WWOX: variants seen among roughly 807,000 people sequenced by gnomAD.
The protein encoded by WWOX is WW domain containing oxidoreductase, also known as WW domain-containing oxidoreductase.
WWOX carries 69 observed loss-of-function variants against 46.2 expected under a neutral mutation model. The ratio of observed to expected loss-of-function variants is 1.49; its 90% confidence interval spans 1.23 to 1.82. The LOEUF is 1.82. Ranked by LOEUF, WWOX falls within the 40% of genes most tolerant of loss-of-function variation. The probability of loss-of-function intolerance (pLI) is 0.00; values close to 1 mark genes in which losing one functional copy is unlikely to be tolerated. For synonymous variants in WWOX, 359 were observed against 202.6 expected, an observed-to-expected ratio of 1.77 and a Z score of -6.56; for missense variants, 919 against 542.6, an observed-to-expected ratio of 1.69 and a Z score of -6.89.
intron 6 of WWOX, among the ~76,000 whole-genome samples, chr16:78,397,387 G>A (rs531448776): frequency 3.9e-5 from 6 of 152,148 alleles, no homozygotes; most frequent in Admixed American, 2.0e-4. Context: ...GACTCTAAGA[G>A]TGGGTTAAAA....
intron 8 of WWOX, among the ~76,000 whole-genome samples, chr16:78,832,473 A>G (rs1224177184): frequency 6.6e-6 from 1 of 152,172 alleles, no homozygotes; most frequent in Non-Finnish European, 1.5e-5. Context: ...TGGCTCCACC[A>G]TTGGAAGGGA....
chr16:78,685,934 G>T (rs1239701230), intron 8 of WWOX, among the ~76,000 whole-genome samples: 1 of 152,020 alleles, frequency 6.6e-6, no homozygotes, highest in Admixed American at 6.6e-5. Flanking sequence ...AGGTGGGTAG[G>T]GAGGGAGGAG....
At chr16:79,114,444 G>A (rs1046762088) in intron 8 of WWOX, among the ~76,000 whole-genome samples, 10 of 151,244 alleles carry the variant, frequency 6.6e-5, no homozygotes, top group African/African-American at 1.2e-4. Flanking sequence ...ATGCACACAC[G>A]TGTGCACACA....
At chr16:78,323,604 A>C (rs2080539662) in intron 5 of WWOX, among the ~76,000 whole-genome samples, 1 of 152,142 alleles carries the variant, frequency 6.6e-6, no homozygotes, top group South Asian at 2.1e-4. Context: ...TAAGTGAATC[A>C]TGCCCACTAT....
At chr16:78,524,961 G>C (rs868812932) in intron 8 of WWOX, among the ~76,000 whole-genome samples, 3 of 149,788 alleles carry the variant, frequency 2.0e-5, no homozygotes, top group African/African-American at 7.4e-5. Flanking sequence ...CACCTCCTGG[G>C]CTCAAGCAAT....
At chr16:78,719,631 AGG>A (rs1353375035) in intron 8 of WWOX, among the ~76,000 whole-genome samples, 2 of 152,242 alleles carry the variant, frequency 1.3e-5, no homozygotes, top group Admixed American at 1.3e-4. Flanking sequence ...TAAGCTAGTC[AGG>A]TAAGTTAGAT....
chr16:79,007,585 T>C (rs993273246), intron 8 of WWOX, among the ~76,000 whole-genome samples: 2 of 152,230 alleles, frequency 1.3e-5, no homozygotes, highest in Non-Finnish European at 2.9e-5. Flanking sequence ...TGCTACTTTA[T>C]ATGGCAAAAG....
chr16:78,733,429 T>C (rs914470518), intron 8 of WWOX, among the ~76,000 whole-genome samples: 1 of 151,970 alleles, frequency 6.6e-6, no homozygotes, highest in Admixed American at 6.6e-5. Flanking sequence ...CACTCCAGCC[T>C]AAGCAACAGA....
At chr16:78,696,359 G>C (rs568926980) in intron 8 of WWOX, among the ~76,000 whole-genome samples, 16 of 152,164 alleles carry the variant, frequency 1.1e-4, no homozygotes, top group Non-Finnish European at 2.1e-4. Flanking sequence ...AGTGACTTCA[G>C]ACTCTATAGA....
intron 5 of WWOX, chr16:78,280,987 A>G (rs1049866774): frequency 1.3e-5 from 2 of 152,524 alleles, no homozygotes; most frequent in African/African-American, 4.8e-5. Flanking sequence ...TGACATTTTC[A>G]GTGATGGAGA....
chr16:79,069,383 A>T (rs1441374048), intron 8 of WWOX, among the ~76,000 whole-genome samples: 1 of 152,202 alleles, frequency 6.6e-6, no homozygotes, highest in Non-Finnish European at 1.5e-5. Context: ...AAACAGCTTT[A>T]TTTCATTGAC....
At chr16:78,257,945 A>G (rs1400125944) in intron 5 of WWOX, among the ~76,000 whole-genome samples, 1 of 151,914 alleles carries the variant, frequency 6.6e-6, no homozygotes, top group Admixed American at 6.6e-5. Context: ...TAAAAAAATC[A>G]GAGACTATAT....
chr16:78,288,832 G>C (rs908173673), intron 5 of WWOX, among the ~76,000 whole-genome samples: 1 of 152,136 alleles, frequency 6.6e-6, no homozygotes, highest in African/African-American at 2.4e-5. Context: ...CATCAGTTAG[G>C]TGGGGGCTGC....
chr16:78,546,913 G>A (rs893964080), intron 8 of WWOX, among the ~76,000 whole-genome samples: 1 of 152,044 alleles, frequency 6.6e-6, no homozygotes, highest in Non-Finnish European at 1.5e-5. Flanking sequence ...GATCACTTGA[G>A]CCCAGGGGTT....
At chr16:78,943,795 T>A (rs1194366790) in intron 8 of WWOX, among the ~76,000 whole-genome samples, 1 of 152,056 alleles carries the variant, frequency 6.6e-6, no homozygotes, top group Non-Finnish European at 1.5e-5. Flanking sequence ...GGGAAATCTT[T>A]CCCACCGCAC....
intron 8 of WWOX, among the ~76,000 whole-genome samples, chr16:78,658,471 A>C (rs555204523): frequency 6.6e-6 from 1 of 152,278 alleles, no homozygotes; most frequent in African/African-American, 2.4e-5. Flanking sequence ...TTGAAACAAC[A>C]GAGATTTATT....
intron 8 of WWOX, among the ~76,000 whole-genome samples, chr16:78,759,311 G>C (rs1288549417): frequency 6.6e-6 from 1 of 152,168 alleles, no homozygotes; most frequent in East Asian, 1.9e-4. Flanking sequence ...AAATGAATTC[G>C]TAAGTGTGCA....
Position 78,843,317 on chromosome 16 carries a change from T to G in WWOX, c.1057-368291T>G, listed in dbSNP as rs1016389199. Reference sequence around the variant, plus strand: ...CCTGCAAAATTCTTACTTTTTGGGCTGGTAAAGCCACCTAGGTCAGTGCCA... The same window carrying G: ...CCTGCAAAATTCTTACTTTTTGGGCGGGTAAAGCCACCTAGGTCAGTGCCA... On this transcript the variant is annotated intron_variant, in intron 8 of 8. Coordinates refer to ENST00000566780, the MANE Select transcript of WWOX (RefSeq NM_016373.4). Among the ~76,000 whole-genome samples, 2 of 150,258 alleles carry G rather than the reference T, an allele frequency of 1.3e-5. 1 individual carries two copies. The highest frequency in any genetic ancestry group is 1.3e-4 in the Admixed American group (2 of 14,982).
At chr16:78,340,551 C>G in intron 5 of WWOX, among the ~76,000 whole-genome samples, 1 of 120,252 alleles carries the variant, frequency 8.3e-6, no homozygotes, top group East Asian at 1.9e-4. Context: ...CTGTGGATGT[C>G]TGTTTCTATC....
Sources: allele counts gnomAD v4.1 joint callset (sites outside exome capture counted in the v4.1 genomes callset), GRCh38; gene constraint gnomAD v4.1.1; transcripts MANE v1.5; gene names NCBI Gene and HGNC (gene_info 2026-07-23, HGNC 2026-07-21).